Variants in LAP3 observed in about 807,000 individuals in gnomAD.
LAP3 encodes leucine aminopeptidase 3.
In LAP3, 46 loss-of-function variants were observed where a neutral mutation model predicts 58.8. That is an observed-to-expected ratio of 0.78 (90% confidence interval 0.62 to 1.00). The LOEUF (loss-of-function observed/expected upper bound fraction) is 1.00, where lower values mean the gene tolerates loss of function less well. LAP3 is among the 50% of genes least tolerant of loss of function. The pLI is 0.00. For missense variants in LAP3, 615 were observed against 659.1 expected, an observed-to-expected ratio of 0.93 and a Z score of 0.73; for synonymous variants, 257 against 237.7, an observed-to-expected ratio of 1.08 and a Z score of -0.75.
chr4:17,603,678 C>T (rs1714035220), intron 10 of LAP3, among the ~76,000 whole-genome samples: 1 of 151,054 alleles, frequency 6.6e-6, no homozygotes, highest in Non-Finnish European at 1.5e-5. Context: ...CCACGCCCGA[C>T]TAATTTTGTA....
At position 17,583,596 on chromosome 4, in the gene LAP3, C is replaced by T; in HGVS notation, c.493C>T (p.Leu165=). 6.2e-7 allele frequency: 1 copy of T among 1,614,020 alleles called. No individual in the cohort carries two copies. The highest frequency in any genetic ancestry group is 8.5e-7 in the Non-Finnish European group (1 of 1,180,006). Residue 165 remains leucine (L), a synonymous_variant, in exon 5 of 13, where the codon CTA becomes TTA. Coordinates refer to ENST00000226299, the MANE Select transcript of LAP3 (RefSeq NM_015907.3). ...AVLGLYEYDD[L]KQKKKMAVSA... is the part of the protein sequence containing the mutation. Reference sequence around the variant, plus strand: ...GCTTGGTCTCTATGAATACGATGACCTAAAGCAAAAAAAGAAGATGGCTGT... The same window carrying T: ...GCTTGGTCTCTATGAATACGATGACTTAAAGCAAAAAAAGAAGATGGCTGT...
At chr4:17,581,308 G>A (rs549513875) in intron 2 of LAP3, among the ~76,000 whole-genome samples, 24 of 152,300 alleles carry the variant, frequency 1.6e-4, no homozygotes, top group South Asian at 1.2e-3. Flanking sequence ...GCGTCAATCC[G>A]TGCTCAGATG....
At position 17,579,929 on chromosome 4, in the gene LAP3, A is replaced by C; in HGVS notation, c.208A>C (p.Thr70Pro). Reference protein sequence around the residue: ...DKLLAGKLRETLNISGPPLKA... With the variant: ...DKLLAGKLREPLNISGPPLKA... ...ATTGTTAGCTGGAAAGCTGAGAGAG[A>C]CTTTGAACATGTAAGTGTTGCTTGT... Residue 70 changes from threonine to proline, a missense_variant, in exon 2 of 13, where the codon ACT (threonine) becomes CCT (proline). Coordinates refer to ENST00000226299, the MANE Select transcript of LAP3 (RefSeq NM_015907.3). The C allele has an allele frequency of 6.3e-7, 1 of 1,592,474 alleles. No individual in the cohort carries two copies.
rs115982240 is a variant in LAP3, at chr4:17,579,967, T to A, written c.218+28T>A. ...AAGTGTTGCTTGTGGGCTCTAGTTCTTAAAGTGCCCCCAAATCGAAACAGT... is the reference window on the plus strand; with the variant it reads ...AAGTGTTGCTTGTGGGCTCTAGTTCATAAAGTGCCCCCAAATCGAAACAGT... On this transcript the variant is annotated intron_variant, in intron 2 of 12. Coordinates refer to ENST00000226299, the MANE Select transcript of LAP3 (RefSeq NM_015907.3). 12,305 of 1,252,236 alleles carry A rather than the reference T, an allele frequency of 9.8e-3. 284 individuals are homozygous for A. The highest frequency in any genetic ancestry group is 0.048 in the East Asian group (2,031 of 42,156). The allele number at this position is 1,252,236 out of a possible 1,614,324, so 77.6% of individuals were successfully genotyped here.
At chr4:17,597,184 C>G (rs963703441) in intron 9 of LAP3, 50 bp downstream of exon 9, 1 of 1,457,648 alleles carries the variant, frequency 6.9e-7, no homozygotes, top group African/African-American at 1.4e-5. Context: ...CCTCAGGAAT[C>G]CCGTGGTGGC....
In LAP3 at chr4:17,577,505, G is replaced by A. The variant is rs752188097; in HGVS notation, c.40G>A (p.Val14Ile). The change falls in exon 1 of 13, where the codon GTC becomes ATC. Residue 14 changes from valine (V) to isoleucine (I), a missense_variant. By Grantham distance (29) the Val-to-Ile change is conservative. Transcript: ENST00000226299. ...TCTTCCGGCTGCGGGGCGAGTAGTC[G>A]TCCGACGTCTGGCCGTGAGACGTTT... ...LPLPAAGRVV[V>I]RRLAVRRFGS... The A allele has an allele frequency of 1.3e-6, 2 of 1,586,558 alleles. No individual in the cohort carries two copies. Among genetic ancestry groups the A allele is most frequent in the East Asian group, 2.3e-5 (1 of 43,360 alleles).
intron 10 of LAP3, among the ~76,000 whole-genome samples, chr4:17,601,941 G>A (rs1174880751): frequency 1.3e-5 from 2 of 152,128 alleles, no homozygotes; most frequent in African/African-American, 2.4e-5. Flanking sequence ...ACACGGATAC[G>A]GAGGGCTGAC....
intron 2 of LAP3, among the ~76,000 whole-genome samples, chr4:17,581,272 A>G (rs921561098): frequency 4.6e-5 from 7 of 152,230 alleles, no homozygotes; most frequent in African/African-American, 1.7e-4. Flanking sequence ...CTTTTATTGA[A>G]AAAGGTTTGA....
intron 11 of LAP3, 122 bp from the exon 12 acceptor site, chr4:17,606,706 TA>T: frequency 1.7e-6 from 1 of 584,914 alleles, no homozygotes; most frequent in Non-Finnish European, 3.0e-6. Flanking sequence ...ACCTATTTTC[TA>T]GTTTCATGTT....
intron 2 of LAP3, among the ~76,000 whole-genome samples, chr4:17,581,493 C>G (rs927629403): frequency 1.3e-5 from 2 of 151,870 alleles, no homozygotes; most frequent in Non-Finnish European, 2.9e-5. Context: ...AATCCTAGCA[C>G]CTCGGGAGGC....
chr4:17,591,573 T>G (rs1713690521), intron 7 of LAP3, among the ~76,000 whole-genome samples: 1 of 152,194 alleles, frequency 6.6e-6, no homozygotes. Context: ...AAGCCTTCTT[T>G]GGGTTTAGAG....
intron 7 of LAP3, among the ~76,000 whole-genome samples, chr4:17,594,078 G>A (rs1214899199): frequency 6.6e-6 from 1 of 152,184 alleles, no homozygotes; most frequent in Non-Finnish European, 1.5e-5. Flanking sequence ...ATGACAGAGG[G>A]TAGTAGCATC....
At chr4:17,604,502 T>C (rs1714067282) in intron 10 of LAP3, 86 bp from the exon 11 acceptor site, 1 of 851,134 alleles carries the variant, frequency 1.2e-6, no homozygotes, top group Non-Finnish European at 2.0e-6. Flanking sequence ...TTAAATAGGG[T>C]ACATGCTAAG....
intron 7 of LAP3, among the ~76,000 whole-genome samples, chr4:17,594,372 T>A (rs1019217273): frequency 2.0e-5 from 3 of 152,238 alleles, no homozygotes; most frequent in African/African-American, 7.2e-5. Context: ...ATGCCAACCA[T>A]CTAAGTAACA....
rs1488363194 is a variant in LAP3 at position 17,597,087 on chromosome 4, A to C, written c.1030A>C (p.Asn344His). The C allele has an allele frequency of 6.2e-7, 1 of 1,614,246 alleles. No homozygotes were observed. The highest frequency in any genetic ancestry group is 1.7e-5 in the Admixed American group (1 of 60,028). ...TGAAAATATGCCCAGCGGCAAGGCC[A>C]ACAAGCCGGGGGATGTTGTTAGAGC... ...LCENMPSGKA[N>H]KPGDVVRAKN... Residue 344 changes from asparagine (N) to histidine (H), a missense_variant, in exon 9 of 13, where the codon AAC becomes CAC. Coordinates refer to ENST00000226299, the MANE Select transcript of LAP3 (RefSeq NM_015907.3).
chr4:17,599,124 A>G (rs1284277992), intron 10 of LAP3, among the ~76,000 whole-genome samples: 1 of 152,284 alleles, frequency 6.6e-6, no homozygotes, highest in Admixed American at 6.5e-5. Context: ...CACCTGTCTC[A>G]GCCTCCCAAA....
intron 6 of LAP3, 121 bp from the exon 7 acceptor site, chr4:17,588,698 A>G: frequency 1.2e-6 from 1 of 856,348 alleles, no homozygotes; most frequent in Non-Finnish European, 1.7e-6. Flanking sequence ...TTGAAACCTT[A>G]ATGTGCGTAT....
chr4:17,580,024 GT>G (rs1713309991), intron 2 of LAP3, 85 bp downstream of exon 2: 6 of 662,972 alleles, frequency 9.1e-6, no homozygotes, highest in Non-Finnish European at 1.5e-5. Flanking sequence ...TTGAAACAGA[GT>G]CTTGCTCTGT....
At chr4:17,581,960 G>A (rs954671265) in intron 3 of LAP3, 146 bp downstream of exon 3, 4 of 704,958 alleles carry the variant, frequency 5.7e-6, no homozygotes, top group Non-Finnish European at 9.6e-6. Context: ...AGATTAAGAG[G>A]CGATTTGCTG....
Sources: gnomAD v4.1 joint callset for allele counts (sites outside exome capture counted in the v4.1 genomes callset) on GRCh38, gnomAD v4.1.1 for gene constraint, MANE v1.5 for transcripts, NCBI Gene and HGNC (gene_info 2026-07-23, HGNC 2026-07-21) for gene names.